Variants in DAB1 observed in about 807,000 individuals in gnomAD.
The protein encoded by DAB1 is DAB adaptor protein 1.
In DAB1, 15 loss-of-function variants were observed where a neutral mutation model predicts 64.6. The ratio of observed to expected loss-of-function variants is 0.23; its 90% CI spans 0.16 to 0.36. The LOEUF (loss-of-function observed/expected upper bound fraction) is 0.36. Among genes scored for constraint, DAB1 ranks in the 10% least tolerant of loss-of-function variants. DAB1 has a pLI of 1.00. For missense variants in DAB1, 596 were observed against 706.7 expected, an observed-to-expected ratio of 0.84 and a Z score of 1.78; for synonymous variants, 235 against 251.9, an observed-to-expected ratio of 0.93 and a Z score of 0.64.
intron 6 of DAB1, among the ~76,000 whole-genome samples, chr1:57,695,298 A>G (rs558711909): frequency 0.012 from 679 of 55,366 alleles, 68 homozygotes; most frequent in African/African-American, 0.059. Flanking sequence ...GGGAGAGAGA[A>G]GGAAAGAAAG....
intron 3 of DAB1, among the ~76,000 whole-genome samples, chr1:58,413,769 C>G (rs376733892): frequency 1.3e-5 from 2 of 152,052 alleles, no homozygotes; most frequent in South Asian, 2.1e-4. Context: ...GGAAACACCC[C>G]CTAAACAGAA....
At chr1:57,329,454 T>C (rs1676458765) in intron 1 of DAB1, among the ~76,000 whole-genome samples, 1 of 152,180 alleles carries the variant, frequency 6.6e-6, no homozygotes, top group Admixed American at 6.5e-5. Flanking sequence ...CAACCCATTC[T>C]CCCTTTCCAG....
intron 4 of DAB1, among the ~76,000 whole-genome samples, chr1:58,328,228 CT>C (rs1662882215): frequency 6.6e-6 from 1 of 152,226 alleles, no homozygotes; most frequent in African/African-American, 2.4e-5. Flanking sequence ...CCAACGTGAT[CT>C]GCTTCTGGAG....
chr1:57,312,477 A>T (rs1674802991), intron 1 of DAB1, among the ~76,000 whole-genome samples: 1 of 152,174 alleles, frequency 6.6e-6, no homozygotes, highest in Non-Finnish European at 1.5e-5. Flanking sequence ...GGGGACACAT[A>T]ATTTTATCTA....
intron 5 of DAB1, among the ~76,000 whole-genome samples, chr1:57,926,847 T>A (rs1023969553): frequency 6.6e-6 from 1 of 152,130 alleles, no homozygotes; most frequent in East Asian, 1.9e-4. Flanking sequence ...AGCTCCAAAT[T>A]GCAAAGTTAC....
intron 5 of DAB1, among the ~76,000 whole-genome samples, chr1:58,037,168 T>C (rs1342685861): frequency 1.3e-5 from 2 of 152,172 alleles, no homozygotes; most frequent in Non-Finnish European, 2.9e-5. Flanking sequence ...CTTATCAGAA[T>C]GCACTCAGGG....
intron 4 of DAB1, among the ~76,000 whole-genome samples, chr1:57,134,820 G>A (rs1657944159): frequency 1.3e-5 from 2 of 152,118 alleles, no homozygotes; most frequent in Non-Finnish European, 2.9e-5. Context: ...AGCAAGTTAT[G>A]TAAACTTTTC....
intron 1 of DAB1, among the ~76,000 whole-genome samples, chr1:57,879,250 T>G (rs1569905567): frequency 6.6e-6 from 1 of 152,258 alleles, no homozygotes; most frequent in South Asian, 2.1e-4. Flanking sequence ...CAATGGAATA[T>G]GGGTGGAAGG....
intron 3 of DAB1, among the ~76,000 whole-genome samples, chr1:58,385,879 A>G (rs527568480): frequency 1.3e-5 from 2 of 152,308 alleles, no homozygotes; most frequent in Admixed American, 6.5e-5. Flanking sequence ...CAAATGTCAG[A>G]GCGAGGATTC....
intron 3 of DAB1, among the ~76,000 whole-genome samples, chr1:58,465,067 C>T (rs1306104665): frequency 6.6e-6 from 1 of 152,176 alleles, no homozygotes; most frequent in Non-Finnish European, 1.5e-5. Context: ...CATTCTCAGC[C>T]TGGGTTATTG....
chr1:57,531,720 A>G (rs1644665627), intron 7 of DAB1, among the ~76,000 whole-genome samples: 1 of 152,232 alleles, frequency 6.6e-6, no homozygotes. Context: ...CTGATAGCCA[A>G]TGGTGTGCTG....
At chr1:57,083,572 G>T (rs1652766765) in intron 4 of DAB1, among the ~76,000 whole-genome samples, 1 of 152,178 alleles carries the variant, frequency 6.6e-6, no homozygotes, top group African/African-American at 2.4e-5. Flanking sequence ...GACTTTTTGT[G>T]TTGTACCCAG....
intron 3 of DAB1, among the ~76,000 whole-genome samples, chr1:58,407,689 C>CA (rs766514618): frequency 6.6e-6 from 1 of 152,190 alleles, no homozygotes; most frequent in Non-Finnish European, 1.5e-5. Flanking sequence ...CTTTGTCCTG[C>CA]AACCATTCTG....
At chr1:57,872,851 G>C (rs1346845978) in intron 1 of DAB1, among the ~76,000 whole-genome samples, 4 of 152,138 alleles carry the variant, frequency 2.6e-5, no homozygotes, top group African/African-American at 9.7e-5. Flanking sequence ...ATGTGAAATG[G>C]GAAGTATGAA....
chr1:57,774,933 T>A (rs112141917), intron 6 of DAB1, among the ~76,000 whole-genome samples: 6 of 151,678 alleles, frequency 4.0e-5, no homozygotes, highest in African/African-American at 1.4e-4. Context: ...TATTATAAAT[T>A]TAATATCTTT....
chr1:57,931,919 T>C (rs1178942712), intron 5 of DAB1, among the ~76,000 whole-genome samples: 1 of 152,130 alleles, frequency 6.6e-6, no homozygotes, highest in Non-Finnish European at 1.5e-5. Flanking sequence ...CCCTTTTCTG[T>C]TTCCCTAAAG....
chr1:58,299,193 A>T (rs1364903532), intron 4 of DAB1, among the ~76,000 whole-genome samples: 1 of 152,164 alleles, frequency 6.6e-6, no homozygotes, highest in East Asian at 1.9e-4. Flanking sequence ...TATTTTACAG[A>T]CGCTCAAACT....
chr1:57,764,905 GA>G (rs1466907034), intron 6 of DAB1, among the ~76,000 whole-genome samples: 18 of 152,148 alleles, frequency 1.2e-4, no homozygotes, highest in African/African-American at 3.9e-4. Flanking sequence ...TTATGTTTTA[GA>G]AATAATCAGA....
At chr1:58,418,569 T>C (rs1427062030) in intron 3 of DAB1, among the ~76,000 whole-genome samples, 32 of 152,084 alleles carry the variant, frequency 2.1e-4, no homozygotes, top group Admixed American at 2.1e-3. Flanking sequence ...ATTAAAGGGT[T>C]CCCAGTCTGC....
Sources: allele counts gnomAD v4.1 joint callset (sites outside exome capture counted in the v4.1 genomes callset), GRCh38; gene constraint gnomAD v4.1.1; transcripts MANE v1.5; gene names NCBI Gene and HGNC (gene_info 2026-07-23, HGNC 2026-07-21).